Variants in ADGRL3 observed in about 807,000 individuals in gnomAD.
ADGRL3 encodes calcium-independent alpha-latrotoxin receptor 3.
In ADGRL3, 62 loss-of-function variants were observed where a neutral mutation model predicts 153.5. The ratio of observed to expected loss-of-function variants is 0.40; its 90% CI spans 0.33 to 0.50. The LOEUF is 0.50. Ranked by LOEUF, ADGRL3 falls within the 20% of genes least tolerant of loss-of-function variation. ADGRL3 has a pLI of 0.47. For missense variants in ADGRL3, 1,641 were observed against 1,859.4 expected, an observed-to-expected ratio of 0.88 and a Z score of 2.16; for synonymous variants, 710 against 672.5, an observed-to-expected ratio of 1.06 and a Z score of -0.86.
intron 15 of ADGRL3, among the ~76,000 whole-genome samples, chr4:61,945,899 C>T (rs554761254): frequency 3.9e-5 from 6 of 152,192 alleles, no homozygotes; most frequent in East Asian, 1.9e-4. Context: ...CCGTCTTCTG[C>T]GTCGCTCACG....
chr4:61,647,613 A>T (rs2150330711), intron 5 of ADGRL3, among the ~76,000 whole-genome samples: 1 of 152,302 alleles, frequency 6.6e-6, no homozygotes, highest in South Asian at 2.1e-4. Flanking sequence ...TTTAAAAAAT[A>T]AAATTCTGCA....
At chr4:61,567,727 TAAAA>T (rs1460713361) in intron 4 of ADGRL3, among the ~76,000 whole-genome samples, 1 of 151,710 alleles carries the variant, frequency 6.6e-6, no homozygotes, top group African/African-American at 2.4e-5. Flanking sequence ...CAACCCTAAA[TAAAA>T]CTACTAAAAG....
chr4:61,615,040 G>A (rs561780121), intron 5 of ADGRL3, among the ~76,000 whole-genome samples: 33 of 152,124 alleles, frequency 2.2e-4, no homozygotes, highest in Middle Eastern at 3.4e-3. Context: ...GGCATTTTCC[G>A]TAAGCAATCT....
chr4:61,205,301 G>A (rs1290378127), intron 1 of ADGRL3, among the ~76,000 whole-genome samples: 1 of 152,170 alleles, frequency 6.6e-6, no homozygotes, highest in Non-Finnish European at 1.5e-5. Context: ...GGGAGTTTTG[G>A]CCCAGAAATC....
intron 5 of ADGRL3, among the ~76,000 whole-genome samples, chr4:61,612,710 C>G (rs781248755): frequency 6.6e-6 from 1 of 152,066 alleles, no homozygotes; most frequent in Admixed American, 6.5e-5. Flanking sequence ...TGGATTTTGG[C>G]TTTTGCAACC....
At chr4:61,508,687 A>C (rs1329854558) in intron 3 of ADGRL3, among the ~76,000 whole-genome samples, 1 of 152,130 alleles carries the variant, frequency 6.6e-6, no homozygotes, top group Non-Finnish European at 1.5e-5. Flanking sequence ...CACCCAGGGT[A>C]ATGAGCATAC....
chr4:61,737,811 G>A (rs2096536746), intron 8 of ADGRL3, among the ~76,000 whole-genome samples: 1 of 151,984 alleles, frequency 6.6e-6, no homozygotes, highest in African/African-American at 2.4e-5. Context: ...CGTATTACAA[G>A]TTAATCACGA....
chr4:61,760,123 G>A (rs2096892307), intron 8 of ADGRL3, among the ~76,000 whole-genome samples: 1 of 152,198 alleles, frequency 6.6e-6, no homozygotes, highest in South Asian at 2.1e-4. Context: ...CCCACTTGAG[G>A]CAGTCTGTCT....
intron 1 of ADGRL3, among the ~76,000 whole-genome samples, chr4:61,295,823 A>G (rs2094392561): frequency 6.6e-6 from 1 of 151,774 alleles, no homozygotes; most frequent in African/African-American, 2.4e-5. Context: ...AAAAAAGAAA[A>G]AAGTCCAAGG....
chr4:61,510,944 A>G (rs1434242227), intron 3 of ADGRL3, among the ~76,000 whole-genome samples: 3 of 152,132 alleles, frequency 2.0e-5, no homozygotes, highest in African/African-American at 7.2e-5. Flanking sequence ...TTCTTTGAGC[A>G]GTGTTTTGTA....
chr4:61,994,908 T>A (rs543782756), intron 19 of ADGRL3, among the ~76,000 whole-genome samples: 58 of 151,906 alleles, frequency 3.8e-4, no homozygotes, highest in African/African-American at 1.1e-3. Flanking sequence ...TTACTCAACT[T>A]TGGTTTTCTT....
At chr4:61,251,035 G>A (rs560792056) in intron 1 of ADGRL3, among the ~76,000 whole-genome samples, 1 of 152,238 alleles carries the variant, frequency 6.6e-6, no homozygotes, top group East Asian at 1.9e-4. Context: ...TTTATATGTT[G>A]CTGTATAAAA....
At chr4:61,466,824 G>C (rs2097890341) in intron 2 of ADGRL3, among the ~76,000 whole-genome samples, 1 of 151,908 alleles carries the variant, frequency 6.6e-6, no homozygotes, top group Non-Finnish European at 1.5e-5. Flanking sequence ...GTCAGCTTTG[G>C]TTATTTTAGA....
At chr4:61,575,073 G>A (rs1175745111) in intron 4 of ADGRL3, among the ~76,000 whole-genome samples, 5 of 151,838 alleles carry the variant, frequency 3.3e-5, no homozygotes, top group East Asian at 3.9e-4. Flanking sequence ...TTCTTACAAC[G>A]TGATGTGGTT....
intron 1 of ADGRL3, among the ~76,000 whole-genome samples, chr4:61,347,319 A>G (rs187681961): frequency 1.2e-3 from 186 of 151,328 alleles, no homozygotes; most frequent in African/African-American, 4.1e-3. Context: ...GATTCCCCCC[A>G]GCGACTAAGT....
intron 9 of ADGRL3, among the ~76,000 whole-genome samples, chr4:61,884,678 G>A (rs1222863232): frequency 1.3e-5 from 2 of 151,938 alleles, no homozygotes; most frequent in African/African-American, 2.4e-5. Flanking sequence ...GGGCTGGAGT[G>A]CAATGGCGCG....
intron 9 of ADGRL3, among the ~76,000 whole-genome samples, chr4:61,866,480 A>G (rs2098400950): frequency 6.6e-6 from 1 of 152,138 alleles, no homozygotes; most frequent in African/African-American, 2.4e-5. Flanking sequence ...GCAGTCTTTA[A>G]TGACATCAGG....
At chr4:61,402,669 C>CT (rs370979949) in intron 2 of ADGRL3, among the ~76,000 whole-genome samples, 28 of 152,158 alleles carry the variant, frequency 1.8e-4, no homozygotes, top group African/African-American at 6.3e-4. Context: ...ATGTCAGGTT[C>CT]TTTTCCTAAA....
chr4:61,622,670 A>G (rs2092597771), intron 5 of ADGRL3, among the ~76,000 whole-genome samples: 1 of 152,172 alleles, frequency 6.6e-6, no homozygotes, highest in African/African-American at 2.4e-5. Flanking sequence ...CTTTATGTGG[A>G]TTATCTCATT....
Sources: allele counts gnomAD v4.1 joint callset (sites outside exome capture counted in the v4.1 genomes callset), GRCh38; gene constraint gnomAD v4.1.1; transcripts MANE v1.5; gene names NCBI Gene and HGNC (gene_info 2026-07-23, HGNC 2026-07-21).